Variants in PTH2R observed in about 807,000 individuals in gnomAD.
PTH2R encodes parathyroid hormone 2 receptor.
Under a neutral mutation model 60.3 loss-of-function variants are expected in PTH2R, and 59 were observed. The ratio of observed to expected loss-of-function variants is 0.98; its 90% CI spans 0.79 to 1.22. PTH2R has a LOEUF of 1.22. PTH2R is among the 50% of genes most tolerant of loss of function. The pLI is 0.00. For synonymous variants in PTH2R, 256 were observed against 243.8 expected, an observed-to-expected ratio of 1.05 and a Z score of -0.47; for missense variants, 749 against 682.6, an observed-to-expected ratio of 1.10 and a Z score of -1.08.
intron 8 of PTH2R, among the ~76,000 whole-genome samples, chr2:208,458,748 C>T (rs552972035): frequency 1.3e-5 from 2 of 152,262 alleles, no homozygotes; most frequent in Admixed American, 6.5e-5. Context: ...TAGCCTCCAG[C>T]TCCATCCATG....
chr2:208,382,560 A>G (rs1700933822), intron 1 of PTH2R, among the ~76,000 whole-genome samples: 2 of 152,200 alleles, frequency 1.3e-5, no homozygotes, highest in Admixed American at 1.3e-4. Context: ...GAGCAGGTAC[A>G]CAGAAAATGT....
rs1160992841 is a variant in PTH2R at position 208,360,225 on chromosome 2, GTTCCTT to G, written c.-270_-265del. On this transcript the variant is annotated 5_prime_UTR_variant, in exon 1 of 13. Transcript: ENST00000617735. ...GCATTTCTTCAAGAAAAAGGCACAG[GTTCCTT>G]GAACAGGTAAGAAGAGCGCCCCACT... is the stretch of plus-strand genomic sequence containing the variant. 1.5e-5 allele frequency: 7 copies of G among 453,802 alleles called. No individual in the cohort carries two copies. The East Asian group carries it at 4.9e-4, about 32-fold the overall frequency. The allele number at this position is 453,802 out of a possible 1,614,324, so 28.1% of individuals were successfully genotyped here.
intron 2 of PTH2R, among the ~76,000 whole-genome samples, chr2:208,433,025 G>A (rs1046838277): frequency 3.9e-5 from 6 of 152,098 alleles, no homozygotes; most frequent in African/African-American, 1.2e-4. Context: ...ATCCAATCAA[G>A]TTGACCCTAA....
At chr2:208,410,612 A>G (rs1346987315) in intron 1 of PTH2R, among the ~76,000 whole-genome samples, 1 of 152,248 alleles carries the variant, frequency 6.6e-6, no homozygotes, top group Non-Finnish European at 1.5e-5. Flanking sequence ...AATGGCTTAA[A>G]TGTGCACAAA....
At chr2:208,465,734 A>G (rs1702736361) in intron 9 of PTH2R, among the ~76,000 whole-genome samples, 1 of 152,030 alleles carries the variant, frequency 6.6e-6, no homozygotes, top group East Asian at 1.9e-4. Context: ...ATTTTAATGC[A>G]TTTTGGTAGC....
In PTH2R at chr2:208,488,620, G is replaced by A. The variant is rs1703326398; in HGVS notation, c.1077-392G>A. Among the ~76,000 whole-genome samples the A allele has an allele frequency of 2.0e-5, 3 of 152,066 alleles. No homozygotes were observed. The South Asian group carries it at 6.2e-4, about 32-fold the overall frequency. On this transcript the variant is annotated intron_variant, in intron 10 of 12. Transcript: ENST00000272847. ...TAGTATGTAAGTGACAGAAAGAGGA[G>A]GGAAGGGAAAAAACTAGCAGAAGCA...
At chr2:208,447,505 G>A (rs932096532) in intron 7 of PTH2R, among the ~76,000 whole-genome samples, 3 of 151,302 alleles carry the variant, frequency 2.0e-5, no homozygotes, top group African/African-American at 7.3e-5. Context: ...GGAGAATGGC[G>A]TGAACCCAGG....
chr2:208,421,660 G>A (rs1480030888), intron 1 of PTH2R, among the ~76,000 whole-genome samples: 1 of 152,098 alleles, frequency 6.6e-6, no homozygotes, highest in Non-Finnish European at 1.5e-5. Flanking sequence ...GAACATAAAA[G>A]CTTCAGCTAC....
rs1044939159 is a variant in PTH2R, at chr2:208,397,126, A to T, written c.-258-31075A>T. Among the ~76,000 whole-genome samples the T allele has an allele frequency of 8.5e-5, 13 of 152,076 alleles. 1 individual carries two copies. The highest frequency in any genetic ancestry group is 4.4e-5 in the Non-Finnish European group (3 of 68,018). ...ACAATGAGAACACTTGGACACAGGG[A>T]AGGGAATATCACATGCTGGCGCCTG... On this transcript the variant is annotated intron_variant, in intron 1 of 12. Transcript: ENST00000617735.
chr2:208,385,454 G>C (rs1700984821), intron 1 of PTH2R, among the ~76,000 whole-genome samples: 1 of 151,888 alleles, frequency 6.6e-6, no homozygotes, highest in South Asian at 2.1e-4. Context: ...CTGGCCACTG[G>C]TGTACATAAT....
At chr2:208,489,253 C>G in intron 11 of PTH2R, 103 bp downstream of exon 11, 1 of 1,446,066 alleles carries the variant, frequency 6.9e-7, no homozygotes, top group Non-Finnish European at 9.5e-7. Context: ...CTTTGATGCA[C>G]CTGTCTGGGG....
intron 1 of PTH2R, among the ~76,000 whole-genome samples, chr2:208,394,120 G>C (rs1701160973): frequency 6.6e-6 from 1 of 152,248 alleles, no homozygotes; most frequent in South Asian, 2.1e-4. Context: ...GGCAGCCTCA[G>C]TCCATTTGCC....
At chr2:208,425,782 A>C (rs893916596) in intron 1 of PTH2R, among the ~76,000 whole-genome samples, 5 of 151,902 alleles carry the variant, frequency 3.3e-5, no homozygotes, top group African/African-American at 1.2e-4. Context: ...GAGACTTTTA[A>C]ATTTTTCTGC....
chr2:208,372,811 G>A (rs553663232), intron 1 of PTH2R, among the ~76,000 whole-genome samples: 6 of 152,032 alleles, frequency 3.9e-5, no homozygotes, highest in South Asian at 4.1e-4. Context: ...CTGGCTGGGC[G>A]CGGTGGCTCA....
At chr2:208,377,872 G>A (rs1453246854) in intron 1 of PTH2R, among the ~76,000 whole-genome samples, 24 of 150,278 alleles carry the variant, frequency 1.6e-4, no homozygotes, top group African/African-American at 5.2e-4. Flanking sequence ...GGGAAGAGGC[G>A]CTCCTCACTT....
At chr2:208,386,306 AGAT>A (rs1481099430) in intron 1 of PTH2R, among the ~76,000 whole-genome samples, 1 of 152,232 alleles carries the variant, frequency 6.6e-6, no homozygotes, top group African/African-American at 2.4e-5. Flanking sequence ...AGATATGCAT[AGAT>A]GATGAAGCAG....
intron 8 of PTH2R, among the ~76,000 whole-genome samples, chr2:208,455,549 G>T (rs1702493669): frequency 6.6e-6 from 1 of 152,130 alleles, no homozygotes; most frequent in Non-Finnish European, 1.5e-5. Flanking sequence ...TGGATGAAGG[G>T]TCATTTTATA....
chr2:208,457,947 A>G (rs769757532), intron 8 of PTH2R, among the ~76,000 whole-genome samples: 2 of 152,192 alleles, frequency 1.3e-5, no homozygotes, highest in Non-Finnish European at 1.5e-5. Context: ...AAAAACTATC[A>G]TTATATCCCA....
chr2:208,472,586 G>A (rs1702907709), intron 9 of PTH2R, among the ~76,000 whole-genome samples: 3 of 152,212 alleles, frequency 2.0e-5, no homozygotes, highest in African/African-American at 4.8e-5. Context: ...CACCACGTGA[G>A]ATGTGCCTTT....
Sources: gnomAD v4.1 joint callset for allele counts (sites outside exome capture counted in the v4.1 genomes callset) on GRCh38, gnomAD v4.1.1 for gene constraint, MANE v1.5 for transcripts, NCBI Gene and HGNC (gene_info 2026-07-23, HGNC 2026-07-21) for gene names.